The following TMPRSS12 variants were observed in gnomAD, a reference collection of about 807,000 sequenced individuals.
TMPRSS12 encodes transmembrane serine protease 12.
TMPRSS12 carries 25 observed loss-of-function variants against 26.0 expected under a neutral mutation model. The observed-to-expected ratio is 0.96, with a 90% CI of 0.70 to 1.34. TMPRSS12 has a LOEUF of 1.34. Ranked by LOEUF, TMPRSS12 falls within the 40% of genes most tolerant of loss-of-function variation. TMPRSS12 has a pLI of 0.00. For missense variants in TMPRSS12, 441 were observed against 440.1 expected (o/e 1.00, Z -0.02); for synonymous variants, 150 against 161.7 (o/e 0.93, Z 0.55).
At chr12:50,857,093 A>G (rs1209633852) in intron 2 of TMPRSS12, among the ~76,000 whole-genome samples, 1 of 152,196 alleles carries the variant, frequency 6.6e-6, no homozygotes, top group Non-Finnish European at 1.5e-5. Flanking sequence ...TTTTTTACAT[A>G]GTTTTCTAGA....
chr12:50,867,609 C>T (rs945186183), intron 3 of TMPRSS12, among the ~76,000 whole-genome samples: 1 of 152,114 alleles, frequency 6.6e-6, no homozygotes, highest in Non-Finnish European at 1.5e-5. Flanking sequence ...CATCCAAATA[C>T]AAGAAGCACA....
At chr12:50,846,084 G>A (rs979937120) in intron 2 of TMPRSS12, among the ~76,000 whole-genome samples, 4 of 151,978 alleles carry the variant, frequency 2.6e-5, no homozygotes, top group African/African-American at 9.7e-5. Flanking sequence ...CCATTCTGTG[G>A]GTCATCTTTT....
chr12:50,863,458 C>A (rs2579077), intron 3 of TMPRSS12, among the ~76,000 whole-genome samples: 97,221 of 151,740 alleles, frequency 0.64, 31,488 homozygotes, highest in Non-Finnish European at 0.7. Flanking sequence ...TGTCCACACA[C>A]AAAAAAACTA....
intron 2 of TMPRSS12, among the ~76,000 whole-genome samples, chr12:50,847,248 G>A (rs865850455): frequency 1.1e-4 from 16 of 151,776 alleles, no homozygotes; most frequent in African/African-American, 2.7e-4. Context: ...TAGTAGAGAC[G>A]GGGTTTCACC....
chr12:50,857,817 CGTTGTT>C (rs547869410), intron 2 of TMPRSS12, among the ~76,000 whole-genome samples: 9 of 96,862 alleles, frequency 9.3e-5, no homozygotes, highest in Admixed American at 2.4e-4. Flanking sequence ...TCGTTGTTGT[CGTTGTT>C]GTTGTTGTTG....
At chr12:50,854,521 C>T (rs1406527864) in intron 2 of TMPRSS12, among the ~76,000 whole-genome samples, 1 of 152,142 alleles carries the variant, frequency 6.6e-6, no homozygotes, top group Non-Finnish European at 1.5e-5. Flanking sequence ...GTCAAACTAT[C>T]TCTGTTTGTA....
rs146159837 is a variant in TMPRSS12, at chr12:50,872,649, C to CATATATATGACGTATATATGTACAT, written c.653-12591_653-12590insATGACGTATATATGTACATATATAT. 1.7e-3 allele frequency among the ~76,000 whole-genome samples: 87 copies of CATATATATGACGTATATATGTACAT among 52,472 alleles called. 6 individuals carry two copies. The highest frequency in any genetic ancestry group is 3.0e-3 in the East Asian group (4 of 1,322). 34.4% of individuals were successfully genotyped at this position (52,472 alleles called of 152,430 possible). A position where few individuals can be genotyped will look rare whatever the true frequency, so the allele number is the denominator to read the frequency against. ...TGTACATATATATGACGTATATGTACATATATGACGTATATGTACATATAT... is the reference window on the plus strand; with the variant it reads ...TGTACATATATATGACGTATATGTACATATATATGACGTATATATGTACATATATATGACGTATATGTACATATAT... On this transcript the variant is annotated intron_variant, in intron 3 of 4. Coordinates refer to ENST00000398458, the MANE Select transcript of TMPRSS12 (RefSeq NM_182559.3).
At chr12:50,847,128 G>A (rs1452538385) in intron 2 of TMPRSS12, among the ~76,000 whole-genome samples, 1 of 137,670 alleles carries the variant, frequency 7.3e-6, no homozygotes, top group Non-Finnish European at 1.5e-5. Flanking sequence ...GCGCGATCTC[G>A]GCTCACTGCA....
chr12:50,885,786 G>T, intron 4 of TMPRSS12: 1 of 383,050 alleles, frequency 2.6e-6, no homozygotes. Context: ...CTCCTAGGTA[G>T]CTGGAATTAC....
rs1465443453 is a variant in TMPRSS12 at position 50,860,478 on chromosome 12, T to C, written c.652+1425T>C. On this transcript the variant is annotated intron_variant, in intron 3 of 4. Transcript: ENST00000398458. ...TCTCTCAGGCTGGAGTGCAGTGGTA[T>C]AATTATAGCTCACTGCAGCCTCAAA... 3.9e-5 allele frequency among the ~76,000 whole-genome samples: 6 copies of C among 152,262 alleles called. No individual in the cohort carries two copies. In the South Asian group the frequency reaches 1.0e-3, roughly 26 times the overall value.
chr12:50,850,654 C>T (rs1937817549), intron 2 of TMPRSS12, among the ~76,000 whole-genome samples: 1 of 152,134 alleles, frequency 6.6e-6, no homozygotes, highest in Non-Finnish European at 1.5e-5. Context: ...CCACTGCTGG[C>T]ACATGTGCAG....
chr12:50,865,522 G>A lies in TMPRSS12; in HGVS notation c.652+6469G>A, dbSNP rs539833014. Among the ~76,000 whole-genome samples, 11 of 152,268 alleles carry A rather than the reference G, an allele frequency of 7.2e-5. No individual in the cohort carries two copies. In the South Asian group the frequency reaches 2.1e-3, roughly 29 times the overall value. Reference sequence around the variant, plus strand: ...AAAATCTAATATACATCTAATGTGAGTGCCAGAGAGGAAGGAATAAAGAGG... The same window carrying A: ...AAAATCTAATATACATCTAATGTGAATGCCAGAGAGGAAGGAATAAAGAGG... On this transcript the variant is annotated intron_variant, in intron 3 of 4. Coordinates refer to ENST00000398458, the MANE Select transcript of TMPRSS12 (RefSeq NM_182559.3).
intron 3 of TMPRSS12, among the ~76,000 whole-genome samples, chr12:50,874,778 T>C (rs759190840): frequency 3.9e-5 from 6 of 151,954 alleles, no homozygotes; most frequent in Admixed American, 1.3e-4. Context: ...AACATTCAAG[T>C]TGAGAGCCAA....
chr12:50,876,387 A>T (rs919507255), intron 3 of TMPRSS12, among the ~76,000 whole-genome samples: 1 of 152,242 alleles, frequency 6.6e-6, no homozygotes, highest in African/African-American at 2.4e-5. Context: ...CAGCAATCCT[A>T]TTACTCTGTA....
At chr12:50,858,488 T>C (rs184985471) in intron 2 of TMPRSS12, among the ~76,000 whole-genome samples, 1 of 152,220 alleles carries the variant, frequency 6.6e-6, no homozygotes, top group Non-Finnish European at 1.5e-5. Context: ...TTCAAACAGC[T>C]AGTTGCCCCA....
intron 3 of TMPRSS12, among the ~76,000 whole-genome samples, chr12:50,877,812 G>A (rs1938126584): frequency 6.6e-6 from 1 of 152,172 alleles, no homozygotes; most frequent in South Asian, 2.1e-4. Flanking sequence ...GTTTCACTAT[G>A]TTGGCCAGGC....
intron 3 of TMPRSS12, among the ~76,000 whole-genome samples, chr12:50,869,396 C>A (rs1938021548): frequency 6.6e-6 from 1 of 152,096 alleles, no homozygotes; most frequent in Non-Finnish European, 1.5e-5. Context: ...ACTAGAAAAT[C>A]TAGAAGGAGT....
intron 3 of TMPRSS12, among the ~76,000 whole-genome samples, chr12:50,872,794 G>GTCTATATGTACATATATATACGTC (rs71086496): frequency 3.1e-3 from 39 of 12,770 alleles, no homozygotes; most frequent in Admixed American, 5.3e-3. Flanking sequence ...TATATATGAC[G>GTCTATATGTACATATATATACGTC]TATATATGTA....
chr12:50,868,343 G>A (rs777520544), intron 3 of TMPRSS12, among the ~76,000 whole-genome samples: 12 of 152,172 alleles, frequency 7.9e-5, no homozygotes, highest in Non-Finnish European at 1.6e-4. Context: ...AGCAGGGATA[G>A]CTATTTTCAT....
Sources: allele counts gnomAD v4.1 joint callset (sites outside exome capture counted in the v4.1 genomes callset), GRCh38; gene constraint gnomAD v4.1.1; transcripts MANE v1.5; gene names NCBI Gene and HGNC (gene_info 2026-07-23, HGNC 2026-07-21).